The following ITGBL1 variants were observed in gnomAD, a reference collection of about 807,000 sequenced individuals.
The protein encoded by ITGBL1 is integrin beta-like protein 1.
ITGBL1 carries 51 observed loss-of-function variants against 68.5 expected under a neutral mutation model. That is an observed-to-expected ratio of 0.74 (90% CI 0.59 to 0.94). The LOEUF (loss-of-function observed/expected upper bound fraction) is 0.94, where lower values mean the gene tolerates loss of function less well. Ranked by LOEUF, ITGBL1 falls within the 40% of genes least tolerant of loss-of-function variation. The probability of loss-of-function intolerance (pLI) is 0.00; values close to 1 mark genes in which losing one functional copy is unlikely to be tolerated. For missense variants in ITGBL1, 649 were observed against 647.4 expected (o/e 1.00, Z -0.03); for synonymous variants, 209 against 227.3 (o/e 0.92, Z 0.72).
Position 101,715,659 on chromosome 13 carries a change from T to C in ITGBL1, c.*5T>C. 6.3e-7 allele frequency: 1 copy of C among 1,581,186 alleles called. No individual in the cohort carries two copies. The highest frequency in any genetic ancestry group is 8.7e-7 in the Non-Finnish European group (1 of 1,150,206). The stretch of plus-strand genomic sequence containing the variant: ...CTTGGCTCAGAATATCCTTAACAAT[T>C]ACATGAGAGAGGTCTGGATTCTTAT... On this transcript the variant is annotated 3_prime_UTR_variant, in exon 11 of 11. Transcript: ENST00000376180.
intron 7 of ITGBL1, among the ~76,000 whole-genome samples, chr13:101,631,250 T>G (rs1019362086): frequency 3.9e-5 from 6 of 152,156 alleles, no homozygotes; most frequent in Non-Finnish European, 7.4e-5. Flanking sequence ...GTAAATATCT[T>G]GGGGAATTCT....
At chr13:101,533,149 G>C (rs1425166645) in intron 2 of ITGBL1, among the ~76,000 whole-genome samples, 3 of 152,130 alleles carry the variant, frequency 2.0e-5, no homozygotes, top group Non-Finnish European at 2.9e-5. Flanking sequence ...TTGTAATGTA[G>C]GGTGAAAGTT....
intron 7 of ITGBL1, among the ~76,000 whole-genome samples, chr13:101,677,343 T>C (rs1265840459): frequency 2.6e-5 from 4 of 152,168 alleles, no homozygotes; most frequent in Non-Finnish European, 4.4e-5. Context: ...GTTATATAGT[T>C]CTTGAATTTT....
At chr13:101,552,931 ATCT>A (rs1323861290) in intron 2 of ITGBL1, among the ~76,000 whole-genome samples, 1 of 152,206 alleles carries the variant, frequency 6.6e-6, no homozygotes, top group African/African-American at 2.4e-5. Context: ...TCTATGAAAC[ATCT>A]TCTCCTCAGG....
Position 101,604,887 on chromosome 13 carries a change from T to TATACACAC in ITGBL1, c.1015+6589_1015+6590insTACACACA. Among the ~76,000 whole-genome samples the TATACACAC allele has an allele frequency of 3.2e-3, 72 of 22,160 alleles. 2 individuals carry two copies. Among genetic ancestry groups the TATACACAC allele is most frequent in the African/African-American group, 4.5e-3 (30 of 6,634 alleles). The allele number at this position is 22,160 out of a possible 152,430, so 14.5% of individuals were successfully genotyped here. A position where few individuals can be genotyped will look rare whatever the true frequency, so the allele number is the denominator to read the frequency against. On this transcript the variant is annotated intron_variant, in intron 7 of 10. Coordinates refer to ENST00000376180, the MANE Select transcript of ITGBL1 (RefSeq NM_004791.3). Reference sequence around the variant, plus strand: ...ATATATATATATATATATATATATATACACACACACACACATATATATGTG... The same window carrying TATACACAC: ...ATATATATATATATATATATATATATATACACACACACACACACACACATATATATGTG...
chr13:101,637,011 T>C (rs2032191232), intron 7 of ITGBL1, among the ~76,000 whole-genome samples: 1 of 152,190 alleles, frequency 6.6e-6, no homozygotes, highest in East Asian at 1.9e-4. Context: ...AAGTTTAAAA[T>C]TGACTACATC....
At chr13:101,543,490 A>AT (rs2049752456) in intron 2 of ITGBL1, among the ~76,000 whole-genome samples, 1 of 151,680 alleles carries the variant, frequency 6.6e-6, no homozygotes, top group Non-Finnish European at 1.5e-5. Context: ...TGCCCTTAAC[A>AT]TTTTTTCCCT....
At chr13:101,524,721 T>C (rs991465605) in intron 2 of ITGBL1, among the ~76,000 whole-genome samples, 2 of 151,704 alleles carry the variant, frequency 1.3e-5, no homozygotes, top group African/African-American at 4.8e-5. Flanking sequence ...GCTTTATATC[T>C]AGGGTAGACT....
intron 2 of ITGBL1, among the ~76,000 whole-genome samples, chr13:101,454,809 G>A (rs968904963): frequency 4.6e-5 from 7 of 152,136 alleles, no homozygotes; most frequent in Admixed American, 6.5e-5. Flanking sequence ...AAAAGTAAAC[G>A]GGCACATATT....
chr13:101,679,232 A>T (rs562995589), intron 7 of ITGBL1, among the ~76,000 whole-genome samples: 3 of 152,156 alleles, frequency 2.0e-5, no homozygotes, highest in Non-Finnish European at 4.4e-5. Flanking sequence ...AGAAACATTT[A>T]TCTGATTATA....
intron 3 of ITGBL1, among the ~76,000 whole-genome samples, chr13:101,570,250 A>G (rs1185499372): frequency 3.9e-5 from 6 of 152,142 alleles, no homozygotes; most frequent in Non-Finnish European, 8.8e-5. Flanking sequence ...TTTCCAGATT[A>G]GGTATTAAAG....
At chr13:101,480,865 C>G (rs1364825758) in intron 2 of ITGBL1, among the ~76,000 whole-genome samples, 1 of 151,980 alleles carries the variant, frequency 6.6e-6, no homozygotes, top group East Asian at 1.9e-4. Flanking sequence ...TGTAGTCAAA[C>G]AAGCAAAATT....
intron 7 of ITGBL1, among the ~76,000 whole-genome samples, chr13:101,629,572 G>A (rs180726681): frequency 6.6e-6 from 1 of 151,990 alleles, no homozygotes; most frequent in East Asian, 1.9e-4. Flanking sequence ...GAAAGATATA[G>A]CATTTTTTCA....
intron 9 of ITGBL1, chr13:101,711,769 A>C (rs992700383): frequency 6.6e-6 from 1 of 152,244 alleles, no homozygotes; most frequent in African/African-American, 2.4e-5. Context: ...CCAGGGATGG[A>C]AGCCAGCAAA....
chr13:101,485,370 G>C (rs1398647763), intron 2 of ITGBL1, among the ~76,000 whole-genome samples: 2 of 152,066 alleles, frequency 1.3e-5, no homozygotes, highest in Non-Finnish European at 2.9e-5. Flanking sequence ...ATCAAAAAGT[G>C]GGTAAAGGAT....
intron 7 of ITGBL1, among the ~76,000 whole-genome samples, chr13:101,623,536 G>T (rs545489165): frequency 1.1e-4 from 16 of 152,290 alleles, no homozygotes; most frequent in Non-Finnish European, 1.9e-4. Context: ...AAATACAGTT[G>T]TTCCTTCATG....
chr13:101,524,771 G>A (rs924898508), intron 2 of ITGBL1, among the ~76,000 whole-genome samples: 1 of 151,300 alleles, frequency 6.6e-6, no homozygotes, highest in Non-Finnish European at 1.5e-5. Flanking sequence ...GAAAGATATT[G>A]GTGGTCATTA....
chr13:101,695,064 A>G (rs971344439), intron 8 of ITGBL1, among the ~76,000 whole-genome samples: 7 of 152,184 alleles, frequency 4.6e-5, no homozygotes, highest in Non-Finnish European at 1.0e-4. Context: ...AAGGAATGAA[A>G]AGGAGCTGAG....
chr13:101,513,216 G>C (rs1325938586), intron 2 of ITGBL1, among the ~76,000 whole-genome samples: 2 of 151,998 alleles, frequency 1.3e-5, no homozygotes, highest in African/African-American at 2.4e-5. Flanking sequence ...AGAGTGTGAA[G>C]AGGGATATTT....
Sources: allele counts gnomAD v4.1 joint callset (sites outside exome capture counted in the v4.1 genomes callset), GRCh38; gene constraint gnomAD v4.1.1; transcripts MANE v1.5; gene names NCBI Gene and HGNC (gene_info 2026-07-23, HGNC 2026-07-21).